Variants in MORC1 observed in about 807,000 individuals in gnomAD.
MORC1 encodes MORC family CW-type zinc finger 1.
MORC1 carries 59 observed loss-of-function variants against 134.9 expected under a neutral mutation model. The observed-to-expected ratio is 0.44, with a 90% CI of 0.35 to 0.54. The LOEUF (loss-of-function observed/expected upper bound fraction) is 0.54, where lower values mean the gene tolerates loss of function less well. Ranked by LOEUF, MORC1 falls within the 20% of genes least tolerant of loss-of-function variation. The probability of loss-of-function intolerance (pLI) is 0.00; values close to 1 mark genes in which losing one functional copy is unlikely to be tolerated. For synonymous variants in MORC1, 395 were observed against 391.7 expected (o/e 1.01, Z -0.10); for missense variants, 947 against 1,134.5 (o/e 0.83, Z 2.37).
At chr3:109,097,761 A>T (rs774568948) in intron 6 of MORC1, among the ~76,000 whole-genome samples, 14 of 152,246 alleles carry the variant, frequency 9.2e-5, no homozygotes, top group Non-Finnish European at 2.1e-4. Context: ...TCAATGATTA[A>T]TTTTAGGGGA....
intron 17 of MORC1, among the ~76,000 whole-genome samples, chr3:109,022,418 A>G (rs1277335915): frequency 5.3e-5 from 8 of 152,228 alleles, no homozygotes; most frequent in Non-Finnish European, 1.2e-4. Context: ...TTACTGCTAA[A>G]ACAATCAATG....
intron 9 of MORC1, among the ~76,000 whole-genome samples, chr3:109,067,332 AT>A (rs1950220128): frequency 2.0e-5 from 3 of 152,224 alleles, no homozygotes; most frequent in South Asian, 4.1e-4. Flanking sequence ...GACTTATAAA[AT>A]GTTTAAGAGA....
Position 109,059,810 on chromosome 3 carries a change from G to C in MORC1, c.1027C>G (p.Gln343Glu), listed in dbSNP as rs551133230. 1 of 1,611,140 alleles carries C rather than the reference G, an allele frequency of 6.2e-7. No homozygotes were observed. Among genetic ancestry groups the C allele is most frequent in the East Asian group, 2.2e-5 (1 of 44,618 alleles). The change falls in exon 12 of 28, where the codon CAA becomes GAA. Residue 343 changes from glutamine (Q) to glutamate (E), a missense_variant. Around this residue, in one of 3 missense-constraint regions of MORC1, gnomAD observed 722 missense variants for 817.0 expected, o/e 0.88. Transcript: ENST00000232603. ...EAKQKNLKEK[Q>E]RELKTARTLS... ...ACAGAAAACCTTGTGTCTTACCTTTGTTTCTCTTTAAGATTCTTTTGCTTT... is the reference window on the plus strand; with the variant it reads ...ACAGAAAACCTTGTGTCTTACCTTTCTTTCTCTTTAAGATTCTTTTGCTTT...
chr3:109,101,012 T>A (rs945436030), intron 4 of MORC1, among the ~76,000 whole-genome samples: 1 of 152,168 alleles, frequency 6.6e-6, no homozygotes, highest in Non-Finnish European at 1.5e-5. Flanking sequence ...AACAACTGTA[T>A]ACTGAAAGAG....
At chr3:109,095,099 T>G in intron 6 of MORC1, 31 bp from the exon 7 acceptor site, 1 of 1,535,596 alleles carries the variant, frequency 6.5e-7, no homozygotes, top group East Asian at 2.3e-5. Flanking sequence ...CAATTTACTA[T>G]GAAATACACA....
intron 3 of MORC1, among the ~76,000 whole-genome samples, chr3:109,107,683 T>C (rs1382040863): frequency 2.0e-5 from 3 of 152,234 alleles, no homozygotes; most frequent in Non-Finnish European, 2.9e-5. Flanking sequence ...TAGATTAACT[T>C]TGTATCCCCA....
chr3:109,094,906 T>C lies in MORC1; in HGVS notation c.583+3A>G. 1 of 1,553,466 alleles carries C rather than the reference T, an allele frequency of 6.4e-7. No individual in the cohort carries two copies. Among genetic ancestry groups the C allele is most frequent in the Non-Finnish European group, 8.6e-7 (1 of 1,159,306 alleles). On this transcript the variant is annotated splice_donor_region_variant and intron_variant, in intron 7 of 27. Transcript: ENST00000232603. Reference sequence around the variant, plus strand: ...CAAATTGTCAGAGTTTTGATGATCTTACCACATTTTCCATAGATCACATCA... The same window carrying C: ...CAAATTGTCAGAGTTTTGATGATCTCACCACATTTTCCATAGATCACATCA...
rs550545048 is a variant in MORC1 at position 109,059,377 on chromosome 3, A to G, written c.1031+429T>C. On this transcript the variant is annotated intron_variant, in intron 12 of 27. Coordinates refer to ENST00000232603, the MANE Select transcript of MORC1 (RefSeq NM_014429.4). ...TATAAGCAATACATTCACGTGAAAC[A>G]TTATTTCCTATCTTAAATTTTAAGC... 2.1e-4 allele frequency among the ~76,000 whole-genome samples: 32 copies of G among 152,270 alleles called. No individual in the cohort carries two copies. The South Asian group carries it at 5.8e-3, about 28-fold the overall frequency.
intron 1 of MORC1, 105 bp downstream of exon 1, chr3:109,117,890 A>G (rs1951305304): frequency 3.3e-6 from 3 of 912,886 alleles, no homozygotes; most frequent in Non-Finnish European, 5.3e-6. Flanking sequence ...AAATAAATCC[A>G]TAAATCAAGT....
At chr3:109,073,850 G>T (rs1950368176) in intron 8 of MORC1, among the ~76,000 whole-genome samples, 1 of 152,066 alleles carries the variant, frequency 6.6e-6, no homozygotes, top group African/African-American at 2.4e-5. Context: ...TTTGAAGGGG[G>T]TAACCAAATT....
At position 108,979,597 on chromosome 3, in the gene MORC1, T is replaced by A; in HGVS notation, c.2395A>T (p.Ser799Cys). 6.2e-7 allele frequency: 1 copy of A among 1,614,204 alleles called. No homozygotes were observed. Among genetic ancestry groups the A allele is most frequent in the Non-Finnish European group, 8.5e-7 (1 of 1,180,018 alleles). Residue 799 changes from serine (S) to cysteine (C), a missense_variant, in exon 24 of 28, where the codon AGT becomes TGT. Around this residue, in one of 3 missense-constraint regions of MORC1, gnomAD observed 722 missense variants for 817.0 expected, o/e 0.88. Transcript: ENST00000232603. The stretch of plus-strand genomic sequence containing the variant: ...GCTGGCGAAGAAGCAACTTTACAAC[T>A]GCCACTCACAGAAACTCTGGCTATG... ...GHIARVSVSG[S>C]CKVASSPASS... is the part of the protein sequence containing the mutation.
At chr3:109,114,930 C>T (rs1370140921) in intron 1 of MORC1, among the ~76,000 whole-genome samples, 4 of 152,246 alleles carry the variant, frequency 2.6e-5, no homozygotes, top group Admixed American at 6.5e-5. Flanking sequence ...AATCTTTCCA[C>T]CGCTGAAAAG....
At position 109,036,863 on chromosome 3, in the gene MORC1, T is replaced by A. The variant is rs372007090; in HGVS notation, c.1331-1395A>T. On this transcript the variant is annotated intron_variant, in intron 14 of 27. Coordinates refer to ENST00000232603, the MANE Select transcript of MORC1 (RefSeq NM_014429.4). ...CTTTTGGGGCTTTTAATTCAGACTT[T>A]CAGTTTCTTCTCTTGGCCCAGTATT... 4.6e-5 allele frequency among the ~76,000 whole-genome samples: 7 copies of A among 152,212 alleles called. No individual in the cohort carries two copies. In the South Asian group the frequency reaches 1.4e-3, roughly 32 times the overall value.
intron 9 of MORC1, among the ~76,000 whole-genome samples, chr3:109,068,290 A>T (rs896382585): frequency 6.6e-6 from 1 of 152,096 alleles, no homozygotes; most frequent in Non-Finnish European, 1.5e-5. Context: ...AATCTGTGAG[A>T]TCCTGGTGCA....
chr3:109,088,786 C>G (rs954948911), intron 8 of MORC1, among the ~76,000 whole-genome samples: 1 of 152,044 alleles, frequency 6.6e-6, no homozygotes, highest in Non-Finnish European at 1.5e-5. Flanking sequence ...GCACTATTTA[C>G]TATATCACAA....
intron 14 of MORC1, among the ~76,000 whole-genome samples, chr3:109,051,719 C>A (rs1262243916): frequency 6.6e-6 from 1 of 151,994 alleles, no homozygotes; most frequent in African/African-American, 2.4e-5. Context: ...ATTTCAAACC[C>A]TATTATATCT....
At chr3:108,997,804 C>T (rs1948277688) in intron 21 of MORC1, among the ~76,000 whole-genome samples, 1 of 151,272 alleles carries the variant, frequency 6.6e-6, no homozygotes, top group African/African-American at 2.4e-5. Flanking sequence ...AGTACAAGAA[C>T]CAGAGTGAGA....
chr3:108,988,149 T>A (rs1382506645), intron 21 of MORC1, among the ~76,000 whole-genome samples: 1 of 152,120 alleles, frequency 6.6e-6, no homozygotes, highest in African/African-American at 2.4e-5. Flanking sequence ...GGAGTATTTT[T>A]ACGTAGCATT....
intron 8 of MORC1, among the ~76,000 whole-genome samples, chr3:109,080,898 A>T (rs1188797467): frequency 6.6e-6 from 1 of 152,168 alleles, no homozygotes; most frequent in East Asian, 1.9e-4. Context: ...CCAGAAACAG[A>T]ACCATGTATG....
Sources: allele counts gnomAD v4.1 joint callset (sites outside exome capture counted in the v4.1 genomes callset), GRCh38; gene constraint gnomAD v4.1.1; regional missense constraint gnomAD v4.1.1; transcripts MANE v1.5; gene names NCBI Gene and HGNC (gene_info 2026-07-23, HGNC 2026-07-21).